RPS6KA2: variants seen among roughly 807,000 people sequenced by gnomAD.
RPS6KA2 encodes the protein ribosomal protein S6 kinase alpha-2.
RPS6KA2 carries 42 observed loss-of-function variants against 91.8 expected under a neutral mutation model. The observed-to-expected ratio is 0.46, with a 90% CI of 0.36 to 0.59. The LOEUF is 0.59. Among genes scored for constraint, RPS6KA2 ranks in the 20% least tolerant of loss-of-function variants. The probability of loss-of-function intolerance (pLI) is 0.00; values close to 1 mark genes in which losing one functional copy is unlikely to be tolerated. For missense variants in RPS6KA2, 798 were observed against 978.5 expected (o/e 0.82, Z 2.46); for synonymous variants, 414 against 393.6 (o/e 1.05, Z -0.61).
At chr6:166,475,448 C>T (rs1181100167) in intron 10 of RPS6KA2, among the ~76,000 whole-genome samples, 2 of 152,220 alleles carry the variant, frequency 1.3e-5, no homozygotes, top group African/African-American at 4.8e-5. Context: ...CTTCCTTCCT[C>T]CCACTACTCT....
chr6:166,785,087 T>C (rs1778895250), intron 2 of RPS6KA2, among the ~76,000 whole-genome samples: 2 of 152,268 alleles, frequency 1.3e-5, no homozygotes, highest in African/African-American at 2.4e-5. Flanking sequence ...TGTGTTTGCG[T>C]CTACCTATCT....
At chr6:166,706,224 A>C (rs377402756) in intron 2 of RPS6KA2, among the ~76,000 whole-genome samples, 5 of 152,348 alleles carry the variant, frequency 3.3e-5, no homozygotes, top group African/African-American at 1.2e-4. Context: ...GTGAAATTTT[A>C]TCAAATACCT....
intron 16 of RPS6KA2, among the ~76,000 whole-genome samples, chr6:166,429,994 G>A (rs528854872): frequency 1.3e-5 from 2 of 149,102 alleles, no homozygotes; most frequent in South Asian, 4.2e-4. Flanking sequence ...GTCTCGTCCT[G>A]TCACGCAGGC....
intron 2 of RPS6KA2, among the ~76,000 whole-genome samples, chr6:166,809,619 A>G (rs999042915): frequency 9.8e-5 from 15 of 152,328 alleles, no homozygotes; most frequent in African/African-American, 3.6e-4. Context: ...GATAAATGCA[A>G]ATTAGAACAT....
At chr6:166,507,227 C>T (rs139590282) in intron 5 of RPS6KA2, among the ~76,000 whole-genome samples, 3 of 152,270 alleles carry the variant, frequency 2.0e-5, no homozygotes, top group Non-Finnish European at 2.9e-5. Context: ...CCTGCGCCTT[C>T]CATCTGCGCT....
rs746577918 is a variant in RPS6KA2 at position 166,504,503 on chromosome 6, T to C, written c.566+3A>G. The C allele has an allele frequency of 3.1e-6, 5 of 1,593,114 alleles. No individual in the cohort carries two copies. The East Asian group carries it at 1.1e-4, about 36-fold the overall frequency. ...AAGTCAGCCCTAGTTTTTTCTCACT[T>C]ACTTCTCAGGCTTCAGATCTCTGTA... On this transcript the variant is annotated splice_donor_region_variant and intron_variant, in intron 6 of 20. Coordinates refer to ENST00000265678, the MANE Select transcript of RPS6KA2 (RefSeq NM_021135.6).
At chr6:166,836,243 G>C (rs1780312970) in intron 2 of RPS6KA2, among the ~76,000 whole-genome samples, 1 of 151,982 alleles carries the variant, frequency 6.6e-6, no homozygotes, top group Non-Finnish European at 1.5e-5. Context: ...ACGGGTTTTA[G>C]TATCGGGGTA....
intron 11 of RPS6KA2, among the ~76,000 whole-genome samples, chr6:166,462,477 G>A (rs1780353619): frequency 6.6e-6 from 1 of 152,188 alleles, no homozygotes; most frequent in South Asian, 2.1e-4. Context: ...CACTGGTACT[G>A]CTGTGACCTC....
intron 2 of RPS6KA2, among the ~76,000 whole-genome samples, chr6:166,755,405 C>T (rs773842499): frequency 3.9e-5 from 6 of 152,112 alleles, no homozygotes; most frequent in Non-Finnish European, 5.9e-5. Context: ...CCAGGAGAAC[C>T]AGCAGGAGAT....
intron 10 of RPS6KA2, among the ~76,000 whole-genome samples, chr6:166,472,549 A>G (rs189391223): frequency 1.3e-4 from 20 of 152,306 alleles, no homozygotes; most frequent in Admixed American, 2.6e-4. Context: ...AGGGGTTCCA[A>G]TTACAGGGGG....
chr6:166,448,074 C>G lies in RPS6KA2; in HGVS notation c.1332+650G>C. 6.6e-6 allele frequency among the ~76,000 whole-genome samples: 1 copy of G among 152,168 alleles called. No individual in the cohort carries two copies. On this transcript the variant is annotated intron_variant, in intron 14 of 20. Coordinates refer to ENST00000265678, the MANE Select transcript of RPS6KA2 (RefSeq NM_021135.6). This position sits in a 1 kb window ranked among gnomAD's most constrained non-coding sequence, Gnocchi z 4.7. ...ATTCCCAGATCAAATATTTAAGCAG[C>G]AACAATTACGAAAGCTAAAGTTACT...
chr6:166,827,035 A>G (rs769560442), intron 2 of RPS6KA2, among the ~76,000 whole-genome samples: 7 of 152,140 alleles, frequency 4.6e-5, no homozygotes, highest in Non-Finnish European at 1.0e-4. Flanking sequence ...GGGTATGGGG[A>G]GACCTTGGTC....
At position 166,423,485 on chromosome 6, in the gene RPS6KA2, A is replaced by C; in HGVS notation, c.1582-68T>G. On this transcript the variant is annotated intron_variant, in intron 16 of 20. Coordinates refer to ENST00000265678, the MANE Select transcript of RPS6KA2 (RefSeq NM_021135.6). The surrounding 1 kb of genome is among the most constrained non-coding windows in gnomAD (Gnocchi z 4.8). ...TGAGCAGGAGAGGGAGGGCAGGTGC[A>C]TTTGGAGGGGAGGGTGCATTTGGGA... is the stretch of plus-strand genomic sequence containing the variant. 6.8e-7 allele frequency: 1 copy of C among 1,473,594 alleles called. No individual in the cohort carries two copies. Among genetic ancestry groups the C allele is most frequent in the Non-Finnish European group, 9.3e-7 (1 of 1,079,240 alleles). 91.3% of individuals were successfully genotyped at this position (1,473,594 alleles called of 1,614,324 possible).
intron 2 of RPS6KA2, among the ~76,000 whole-genome samples, chr6:166,696,714 T>C (rs1465926476): frequency 1.3e-5 from 2 of 152,154 alleles, no homozygotes; most frequent in African/African-American, 2.4e-5. Context: ...CCCTCTCCAA[T>C]GTGGGTGGGT....
intron 2 of RPS6KA2, among the ~76,000 whole-genome samples, chr6:166,782,240 T>C (rs977770308): frequency 5.9e-5 from 9 of 152,168 alleles, no homozygotes; most frequent in Non-Finnish European, 1.3e-4. Flanking sequence ...TGCAGTGAGC[T>C]GAGATTGCTC....
At chr6:166,535,959 G>C (rs1783464297) in intron 2 of RPS6KA2, among the ~76,000 whole-genome samples, 1 of 152,244 alleles carries the variant, frequency 6.6e-6, no homozygotes, top group Non-Finnish European at 1.5e-5. Flanking sequence ...ACCAGGTGAA[G>C]AGCAGCGGCT....
chr6:166,451,332 C>CGTGTGT (rs10663984), intron 12 of RPS6KA2, 99 bp from the exon 13 acceptor site: 16,757 of 921,428 alleles, frequency 0.018, 240 homozygotes, highest in African/African-American at 0.086. Flanking sequence ...TGTGCAAGTC[C>CGTGTGT]GTGTGTGTGT....
chr6:166,858,955 C>T (rs1391835459), intron 1 of RPS6KA2, among the ~76,000 whole-genome samples: 1 of 103,964 alleles, frequency 9.6e-6, no homozygotes, highest in Non-Finnish European at 2.3e-5. Flanking sequence ...GCAGCAGACA[C>T]GGGAGAGCTC....
At chr6:166,717,215 G>A (rs935239920) in intron 2 of RPS6KA2, among the ~76,000 whole-genome samples, 1 of 152,218 alleles carries the variant, frequency 6.6e-6, no homozygotes, top group Non-Finnish European at 1.5e-5. Context: ...GGGGGTGGAG[G>A]CATCGCCATT....
Sources: gnomAD v4.1 joint callset for allele counts (sites outside exome capture counted in the v4.1 genomes callset) on GRCh38, gnomAD v4.1.1 for gene constraint, Gnocchi (gnomAD v3.1) non-coding constraint, MANE v1.5 for transcripts, NCBI Gene and HGNC (gene_info 2026-07-23, HGNC 2026-07-21) for gene names.